The following JMY variants were observed in gnomAD, a reference collection of about 807,000 sequenced individuals.
JMY encodes junction mediating and regulatory protein, p53 cofactor.
A neutral mutation model predicts 103.3 loss-of-function variants in JMY; 46 were observed. The observed-to-expected ratio is 0.45, with a 90% CI of 0.35 to 0.57. The LOEUF is 0.57. JMY is among the 20% of genes least tolerant of loss of function. The pLI, the probability that JMY is intolerant of heterozygous loss-of-function variation, is 0.00. For missense variants in JMY, 1,238 were observed against 1,255.2 expected (o/e 0.99, Z 0.21); for synonymous variants, 526 against 489.3 (o/e 1.07, Z -0.99).
chr5:79,302,210 T>C (rs1247964749), intron 6 of JMY, among the ~76,000 whole-genome samples: 1 of 152,120 alleles, frequency 6.6e-6, no homozygotes, highest in Non-Finnish European at 1.5e-5. Flanking sequence ...GTATTTTATA[T>C]ATTACTTTTA....
chr5:79,297,896 T>G (rs1746611163), intron 4 of JMY, among the ~76,000 whole-genome samples: 1 of 152,308 alleles, frequency 6.6e-6, no homozygotes, highest in Non-Finnish European at 1.5e-5. Flanking sequence ...GAATACCTAC[T>G]TCCTTTCTCA....
intron 1 of JMY, among the ~76,000 whole-genome samples, chr5:79,268,633 GC>G (rs1561296789): frequency 6.6e-6 from 1 of 151,908 alleles, no homozygotes; most frequent in Non-Finnish European, 1.5e-5. Context: ...GACTACAGGC[GC>G]CCACCACCAT....
At chr5:79,314,054 T>G (rs1160095371) in intron 8 of JMY, among the ~76,000 whole-genome samples, 1 of 152,222 alleles carries the variant, frequency 6.6e-6, no homozygotes, top group Non-Finnish European at 1.5e-5. Context: ...TGACGGGGTT[T>G]CACCATGTCG....
intron 1 of JMY, among the ~76,000 whole-genome samples, chr5:79,260,975 C>A (rs2607144): frequency 0.35 from 52,738 of 151,712 alleles, 9,616 homozygotes; most frequent in South Asian, 0.51. Flanking sequence ...AAGTCACTCC[C>A]TTTCACAGTA....
chr5:79,255,728 C>A (rs1745220004), intron 1 of JMY, among the ~76,000 whole-genome samples: 1 of 152,226 alleles, frequency 6.6e-6, no homozygotes, highest in Non-Finnish European at 1.5e-5. Context: ...TGAAAGAATT[C>A]ACTGGATTAC....
At chr5:79,274,967 C>G (rs1194448466) in intron 1 of JMY, among the ~76,000 whole-genome samples, 1 of 152,130 alleles carries the variant, frequency 6.6e-6, no homozygotes, top group Non-Finnish European at 1.5e-5. Flanking sequence ...AGTACCTGTC[C>G]TGTGCATGTA....
intron 1 of JMY, among the ~76,000 whole-genome samples, chr5:79,275,489 T>TC (rs1422231738): frequency 6.6e-6 from 1 of 152,086 alleles, no homozygotes; most frequent in African/African-American, 2.4e-5. Context: ...GTCATACCTC[T>TC]CCCCTTCTTT....
Position 79,237,422 on chromosome 5 carries a change from G to A in JMY, c.772G>A (p.Val258Met). 1.2e-6 allele frequency: 2 copies of A among 1,613,754 alleles called. No homozygotes were observed. Among genetic ancestry groups the A allele is most frequent in the Non-Finnish European group, 1.7e-6 (2 of 1,180,022 alleles). ...CTCGCAGTTGGAGCCGTGCCTGCCGGTGTTCCCCGAGGAACCTTCGGGCAT... is the reference window on the plus strand; with the variant it reads ...CTCGCAGTTGGAGCCGTGCCTGCCGATGTTCCCCGAGGAACCTTCGGGCAT... ...VNSQLEPCLPVFPEEPSGMWT... is the reference protein window; with the variant it reads ...VNSQLEPCLPMFPEEPSGMWT... The change falls in exon 1 of 11, where the codon GTG becomes ATG. Residue 258 changes from valine to methionine, a missense_variant. By Grantham distance (21) the Val-to-Met change is conservative. Transcript: ENST00000396137.
intron 1 of JMY, among the ~76,000 whole-genome samples, chr5:79,265,704 T>A (rs1029722046): frequency 2.6e-5 from 4 of 151,956 alleles, no homozygotes; most frequent in African/African-American, 9.7e-5. Context: ...CACTCCCTCC[T>A]ATGAACTTTC....
chr5:79,306,261 A>T (rs576967454), intron 6 of JMY, 114 bp from the exon 7 acceptor site: 1 of 695,436 alleles, frequency 1.4e-6, no homozygotes, highest in East Asian at 2.6e-5. Flanking sequence ...GAGGTGGTCA[A>T]TGTGATACTT....
At chr5:79,265,159 C>T (rs1450550201) in intron 1 of JMY, among the ~76,000 whole-genome samples, 2 of 152,130 alleles carry the variant, frequency 1.3e-5, no homozygotes, top group East Asian at 3.9e-4. Context: ...CTCCTGACCT[C>T]GTGATCCGCC....
rs2112135458 is a variant in JMY at position 79,326,808 on chromosome 5, C to T, written c.*5206C>T. 6.6e-6 allele frequency: 1 copy of T among 152,288 alleles called. No homozygotes were observed. Among genetic ancestry groups the T allele is most frequent in the East Asian group, 1.9e-4 (1 of 5,184 alleles). The allele number at this position is 152,288 out of a possible 1,614,324, so 9.4% of individuals were successfully genotyped here. On this transcript the variant is annotated 3_prime_UTR_variant, in exon 11 of 11. Coordinates refer to ENST00000396137, the MANE Select transcript of JMY (RefSeq NM_152405.5). ...CACTAGCACATTGTGCTTTGCTTGG[C>T]TTGTAAGGATGGCTTTAGTACCATT...
intron 1 of JMY, among the ~76,000 whole-genome samples, chr5:79,268,739 C>T (rs186051050): frequency 1.7e-4 from 26 of 152,238 alleles, no homozygotes; most frequent in African/African-American, 6.0e-4. Flanking sequence ...CCACCCGCCT[C>T]GGCTTCCCAA....
intron 2 of JMY, among the ~76,000 whole-genome samples, chr5:79,281,408 G>T (rs1287405356): frequency 1.4e-5 from 2 of 146,254 alleles, no homozygotes. Context: ...TTAAAAACTG[G>T]AGCACAATCA....
intron 1 of JMY, among the ~76,000 whole-genome samples, chr5:79,256,935 C>G (rs140578872): frequency 1.3e-5 from 2 of 152,038 alleles, no homozygotes; most frequent in Non-Finnish European, 2.9e-5. Context: ...CATAGCCAAG[C>G]CTTTTAAATG....
At chr5:79,300,884 T>C (rs1165995643) in intron 6 of JMY, 21 bp downstream of exon 6, 1 of 1,561,100 alleles carries the variant, frequency 6.4e-7, no homozygotes, top group Non-Finnish European at 8.7e-7. Flanking sequence ...ATTGCTTTTG[T>C]TCATTATTTA....
chr5:79,239,179 A>G (rs1744656901), intron 1 of JMY, among the ~76,000 whole-genome samples: 1 of 152,108 alleles, frequency 6.6e-6, no homozygotes, highest in Non-Finnish European at 1.5e-5. Context: ...CCGAATCCAG[A>G]TTTTCACTGC....
At chr5:79,253,571 C>T (rs1175623644) in intron 1 of JMY, among the ~76,000 whole-genome samples, 3 of 152,180 alleles carry the variant, frequency 2.0e-5, no homozygotes, top group South Asian at 2.1e-4. Context: ...GGATTATAGG[C>T]GTGAGCCACC....
chr5:79,318,547 A>G (rs568781675), intron 10 of JMY, among the ~76,000 whole-genome samples: 12 of 152,260 alleles, frequency 7.9e-5, no homozygotes, highest in African/African-American at 2.9e-4. Context: ...ATCTGCATCA[A>G]TCAATAACTT....
Sources: gnomAD v4.1 joint callset for allele counts (sites outside exome capture counted in the v4.1 genomes callset) on GRCh38, gnomAD v4.1.1 for gene constraint, MANE v1.5 for transcripts, NCBI Gene and HGNC (gene_info 2026-07-23, HGNC 2026-07-21) for gene names.